C4orf50: variants seen among roughly 807,000 people sequenced by gnomAD.
C4orf50 encodes uncharacterized protein C4orf50.
C4orf50 carries 80 observed loss-of-function variants against 77.2 expected under a neutral mutation model. The ratio of observed to expected loss-of-function variants is 1.04; its 90% CI spans 0.87 to 1.25. The LOEUF (loss-of-function observed/expected upper bound fraction) is 1.25. Ranked by LOEUF, C4orf50 falls within the 50% of genes most tolerant of loss-of-function variation. C4orf50 has a pLI of 0.00. For missense variants in C4orf50, 1,257 were observed against 1,152.9 expected (o/e 1.09, Z -1.31); for synonymous variants, 532 against 465.3 (o/e 1.14, Z -1.84).
intron 25 of C4orf50, among the ~76,000 whole-genome samples, chr4:6,003,927 G>A (rs1722004261): frequency 2.9e-5 from 1 of 34,394 alleles, no homozygotes; most frequent in African/African-American, 1.1e-4. Context: ...TGGTGGTGAT[G>A]GTGATGATGG....
intron 32 of C4orf50, among the ~76,000 whole-genome samples, chr4:5,965,724 A>T (rs1719530072): frequency 1.3e-5 from 2 of 152,208 alleles, no homozygotes; most frequent in African/African-American, 4.8e-5. Flanking sequence ...GGACAGGCCC[A>T]TCCTGAGGCG....
chr4:5,914,496 G>A (rs534354164), intron 7 of C4orf50, among the ~76,000 whole-genome samples: 33 of 152,108 alleles, frequency 2.2e-4, no homozygotes, highest in Admixed American at 3.3e-4. Context: ...GAGCCACCGC[G>A]CCTGGCCTTT....
At chr4:5,934,281 C>A (rs914620038) in intron 7 of C4orf50, among the ~76,000 whole-genome samples, 2 of 152,164 alleles carry the variant, frequency 1.3e-5, no homozygotes, top group African/African-American at 4.8e-5. Flanking sequence ...ACACATTGGT[C>A]CTTTCCAGGT....
intron 32 of C4orf50, among the ~76,000 whole-genome samples, chr4:5,967,061 T>G (rs13150942): frequency 3.9e-5 from 6 of 152,076 alleles, no homozygotes; most frequent in African/African-American, 1.4e-4. Flanking sequence ...TATGGGTTCA[T>G]TAACAATACT....
chr4:5,994,668 C>G (rs1721481201), intron 25 of C4orf50, among the ~76,000 whole-genome samples, 192 bp from the exon 4 acceptor site: 1 of 152,216 alleles, frequency 6.6e-6, no homozygotes, highest in Non-Finnish European at 1.5e-5. Flanking sequence ...GTTCACCAGG[C>G]CAAACTGCCC....
chr4:5,960,578 GT>G (rs1304521156), intron 33 of C4orf50, among the ~76,000 whole-genome samples: 2 of 152,232 alleles, frequency 1.3e-5, no homozygotes, highest in African/African-American at 4.8e-5. Flanking sequence ...GCCTGACCTT[GT>G]CCCTGCCCTC....
intron 28 of C4orf50, among the ~76,000 whole-genome samples, chr4:5,987,771 C>T (rs2108788168): frequency 6.6e-6 from 1 of 152,208 alleles, no homozygotes; most frequent in Non-Finnish European, 1.5e-5. Flanking sequence ...TGGTGAAGGC[C>T]ACCGTAGGAA....
At chr4:5,907,252 T>C (rs1307578431) in intron 7 of C4orf50, among the ~76,000 whole-genome samples, 1 of 152,152 alleles carries the variant, frequency 6.6e-6, no homozygotes, top group Non-Finnish European at 1.5e-5. Context: ...CATTCACCAA[T>C]AAGTTAATGG....
rs910771449 is a variant in C4orf50 at position 6,004,777 on chromosome 4, C to T, written c.963+3219G>A. Among the ~76,000 whole-genome samples, 111 of 100,688 alleles carry T rather than the reference C, an allele frequency of 1.1e-3. 1 individual carries two copies. Among genetic ancestry groups the T allele is most frequent in the African/African-American group, 3.1e-3 (78 of 24,964 alleles). 66.1% of individuals were successfully genotyped at this position (100,688 alleles called of 152,430 possible). A position where few individuals can be genotyped will look rare whatever the true frequency, so the allele number is the denominator to read the frequency against. On this transcript the variant is annotated intron_variant, in intron 25 of 33. Transcript: ENST00000531445. ...GTGATGGTGATGACAGTGATGACGG[C>T]GATGGTGATGGTGGTGATGGTGATG...
chr4:5,912,374 A>C (rs1403153285), intron 7 of C4orf50, among the ~76,000 whole-genome samples: 1 of 152,082 alleles, frequency 6.6e-6, no homozygotes, highest in African/African-American at 2.4e-5. Context: ...TTGCAAATGT[A>C]ATAGGAAAAA....
chr4:5,916,853 T>A lies in C4orf50; in HGVS notation c.*2475-18665A>T, dbSNP rs531478546. Among the ~76,000 whole-genome samples the A allele has an allele frequency of 2.0e-5, 3 of 152,216 alleles. No individual in the cohort carries two copies. The South Asian group carries it at 6.2e-4, about 32-fold the overall frequency. On this transcript the variant is annotated intron_variant, in intron 7 of 7. Coordinates refer to the C4orf50 transcript ENST00000324058. The surrounding 1 kb of genome is among the most constrained non-coding windows in gnomAD (Gnocchi z 4.4). ...AGGTGGGCACAAGCAGAGTCTGAGC[T>A]TGCCAGCAACAAAGCACTGCAGCTG...
At chr4:5,948,335 G>A (rs1718569603) in intron 7 of C4orf50, among the ~76,000 whole-genome samples, 1 of 152,200 alleles carries the variant, frequency 6.6e-6, no homozygotes, top group Non-Finnish European at 1.5e-5. Flanking sequence ...TCATGATCTA[G>A]GTATTGGGCA....
intron 7 of C4orf50, among the ~76,000 whole-genome samples, chr4:5,933,797 C>A: frequency 6.6e-6 from 1 of 152,288 alleles, no homozygotes; most frequent in East Asian, 1.9e-4. Context: ...CTGACGCACC[C>A]CTGGGAGGCA....
At chr4:5,984,099 C>T (rs548135651) in intron 28 of C4orf50, among the ~76,000 whole-genome samples, 1 of 152,306 alleles carries the variant, frequency 6.6e-6, no homozygotes, top group African/African-American at 2.4e-5. Context: ...GAGCAAGGGC[C>T]TCACCTTAGG....
chr4:5,991,469 G>T (rs79318996), intron 27 of C4orf50, among the ~76,000 whole-genome samples: 1 of 152,136 alleles, frequency 6.6e-6, no homozygotes, highest in South Asian at 2.1e-4. Context: ...ACAGTGCTGG[G>T]CACACAGGAG....
At chr4:5,927,465 A>T (rs1196641515) in intron 7 of C4orf50, among the ~76,000 whole-genome samples, 1 of 151,410 alleles carries the variant, frequency 6.6e-6, no homozygotes, top group Non-Finnish European at 1.5e-5. Flanking sequence ...CTGTGTCCTC[A>T]CCCAAATCTC....
At chr4:5,971,602 T>G (rs1719920356) in intron 31 of C4orf50, among the ~76,000 whole-genome samples, 1 of 152,200 alleles carries the variant, frequency 6.6e-6, no homozygotes, top group Non-Finnish European at 1.5e-5. Flanking sequence ...ATTATTAAAA[T>G]AACTTTCCCT....
In C4orf50 at chr4:5,973,913, C is replaced by T. The variant is rs561401671; in HGVS notation, c.3922-72G>A. ...ATGGCTGAGCTGGAGGGCTGGGGGCCGGAGGGTCAGCTGAGGCCCCTACTC... is the reference window on the plus strand; with the variant it reads ...ATGGCTGAGCTGGAGGGCTGGGGGCTGGAGGGTCAGCTGAGGCCCCTACTC... On this transcript the variant is annotated intron_variant, in intron 30 of 33. Transcript: ENST00000531445. The T allele has an allele frequency of 1.5e-4, 192 of 1,303,564 alleles. No homozygotes were observed. In the East Asian group the frequency reaches 3.1e-3, roughly 21 times the overall value. The allele number at this position is 1,303,564 out of a possible 1,614,324, so 80.7% of individuals were successfully genotyped here. A position where few individuals can be genotyped will look rare whatever the true frequency, so the allele number is the denominator to read the frequency against.
At chr4:5,960,268 C>A (rs13107008) in intron 33 of C4orf50, among the ~76,000 whole-genome samples, 82,168 of 152,084 alleles carry the variant, frequency 0.54, 23,284 homozygotes, top group Non-Finnish European at 0.63. Flanking sequence ...ACCTGTGATC[C>A]CTTCACGACC....
Sources: allele counts gnomAD v4.1 joint callset (sites outside exome capture counted in the v4.1 genomes callset), GRCh38; gene constraint gnomAD v4.1.1; non-coding constraint Gnocchi (gnomAD v3.1); transcripts MANE v1.5; gene names NCBI Gene and HGNC (gene_info 2026-07-23, HGNC 2026-07-21).